SCHIP1: variants seen among roughly 807,000 people sequenced by gnomAD.
The protein encoded by SCHIP1 is schwannomin-interacting protein 1.
A neutral mutation model predicts 29.7 loss-of-function variants in SCHIP1; 8 were observed. The observed-to-expected ratio is 0.27, with a 90% CI of 0.16 to 0.49. The LOEUF (loss-of-function observed/expected upper bound fraction) is 0.49. Among genes scored for constraint, SCHIP1 ranks in the 20% least tolerant of loss-of-function variants. SCHIP1 has a pLI of 0.99. For missense variants in SCHIP1, 193 were observed against 294.6 expected, an observed-to-expected ratio of 0.66 and a Z score of 2.52; for synonymous variants, 76 against 94.9, an observed-to-expected ratio of 0.80 and a Z score of 1.16.
At chr3:159,409,205 G>C in the SCHIP1 span, among the ~76,000 whole-genome samples, 1 of 151,834 alleles carries the variant, frequency 6.6e-6, no homozygotes, top group Admixed American at 6.6e-5. Flanking sequence ...AAAACTAAAA[G>C]CCTTTTCTCT....
chr3:159,274,180 G>A, the SCHIP1 span: 7 of 984,996 alleles, frequency 7.1e-6, no homozygotes, highest in Non-Finnish European at 8.4e-6. Context: ...TTTGGAAATA[G>A]CATTTTAATA....
chr3:159,831,126 A>G, the SCHIP1 span, among the ~76,000 whole-genome samples: 3 of 152,126 alleles, frequency 2.0e-5, no homozygotes, highest in African/African-American at 7.2e-5. Flanking sequence ...GAAGCTGGGG[A>G]TTGCATTTAC....
chr3:159,494,150 G>C, the SCHIP1 span, among the ~76,000 whole-genome samples: 1 of 152,050 alleles, frequency 6.6e-6, no homozygotes, highest in East Asian at 1.9e-4. Flanking sequence ...AGAGAAAGCA[G>C]GAAAGATCTA....
the SCHIP1 span, among the ~76,000 whole-genome samples, chr3:159,651,613 T>C: frequency 6.6e-6 from 1 of 152,238 alleles, no homozygotes; most frequent in Non-Finnish European, 1.5e-5. Flanking sequence ...TAATTTCCAT[T>C]AGCACCTCTG....
chr3:159,675,670 A>G, the SCHIP1 span, among the ~76,000 whole-genome samples: 1 of 152,194 alleles, frequency 6.6e-6, no homozygotes, highest in African/African-American at 2.4e-5. Context: ...AAGCATCTTC[A>G]CTTATTAGGC....
chr3:159,587,201 A>G, the SCHIP1 span, among the ~76,000 whole-genome samples: 1 of 152,206 alleles, frequency 6.6e-6, no homozygotes, highest in Non-Finnish European at 1.5e-5. Context: ...AGAGCTCCTC[A>G]TGTGATTCTG....
the SCHIP1 span, among the ~76,000 whole-genome samples, chr3:159,665,225 T>C: frequency 5.3e-5 from 8 of 152,346 alleles, 1 homozygote; most frequent in South Asian, 1.0e-3. Context: ...GATTGGGATA[T>C]AGTGTGTGCC....
the SCHIP1 span, among the ~76,000 whole-genome samples, chr3:159,312,633 T>C: frequency 1.3e-5 from 2 of 152,134 alleles, no homozygotes; most frequent in Non-Finnish European, 2.9e-5. Context: ...TCTCTCCCCA[T>C]TTTGGTCACC....
At chr3:159,601,432 T>C in the SCHIP1 span, among the ~76,000 whole-genome samples, 1 of 152,148 alleles carries the variant, frequency 6.6e-6, no homozygotes, top group African/African-American at 2.4e-5. Context: ...GAGACCATAC[T>C]GCCAGTTAGG....
chr3:159,883,965 C>A (rs1042378206), intron 2 of SCHIP1, among the ~76,000 whole-genome samples: 5 of 152,162 alleles, frequency 3.3e-5, no homozygotes, highest in Non-Finnish European at 7.3e-5. Flanking sequence ...ATCAGACTTT[C>A]TTCTGAGTGA....
At chr3:159,592,693 G>T in the SCHIP1 span, among the ~76,000 whole-genome samples, 1 of 151,954 alleles carries the variant, frequency 6.6e-6, no homozygotes, top group Admixed American at 6.6e-5. Context: ...AGCAGTTTAT[G>T]GCTCCCTCTA....
At chr3:159,391,853 C>T in the SCHIP1 span, among the ~76,000 whole-genome samples, 1 of 152,116 alleles carries the variant, frequency 6.6e-6, no homozygotes, top group Non-Finnish European at 1.5e-5. Flanking sequence ...AGGGGCTTAC[C>T]CATGTCTACA....
chr3:159,368,892 A>C, the SCHIP1 span, among the ~76,000 whole-genome samples: 1 of 152,226 alleles, frequency 6.6e-6, no homozygotes, highest in East Asian at 1.9e-4. Context: ...ATTGAGTGTA[A>C]CCAAATTAAT....
the SCHIP1 span, among the ~76,000 whole-genome samples, chr3:159,827,275 A>G: frequency 9.8e-5 from 15 of 152,326 alleles, no homozygotes; most frequent in South Asian, 2.1e-3. Context: ...AGACCTAAGG[A>G]AACTCTTTAG....
chr3:159,711,284 C>A, the SCHIP1 span, among the ~76,000 whole-genome samples: 4 of 75,196 alleles, frequency 5.3e-5, no homozygotes, highest in South Asian at 1.6e-3. Context: ...TGGCGTGAAC[C>A]CGGGAGGCGG....
the SCHIP1 span, among the ~76,000 whole-genome samples, chr3:159,431,189 G>A: frequency 1.3e-5 from 2 of 152,154 alleles, no homozygotes; most frequent in African/African-American, 4.8e-5. Flanking sequence ...AGCTAGGAGA[G>A]GACCAGAAGT....
intron 5 of SCHIP1, among the ~76,000 whole-genome samples, chr3:159,889,623 A>G (rs1717291872): frequency 1.3e-5 from 2 of 152,230 alleles, no homozygotes; most frequent in South Asian, 2.1e-4. Context: ...CTGTATAATT[A>G]TACGGTATTA....
chr3:159,833,394 C>T, the SCHIP1 span, among the ~76,000 whole-genome samples: 1 of 152,306 alleles, frequency 6.6e-6, no homozygotes, highest in Admixed American at 6.5e-5. Flanking sequence ...TCTCATACTG[C>T]CGTCTCTGGT....
chr3:159,481,438 G>A, the SCHIP1 span, among the ~76,000 whole-genome samples: 1 of 152,166 alleles, frequency 6.6e-6, no homozygotes, highest in Non-Finnish European at 1.5e-5. Flanking sequence ...TAAAATACAA[G>A]ATGTCCAGTT....
Sources: allele counts gnomAD v4.1 joint callset (sites outside exome capture counted in the v4.1 genomes callset), GRCh38; gene constraint gnomAD v4.1.1; transcripts MANE v1.5; gene names NCBI Gene and HGNC (gene_info 2026-07-23, HGNC 2026-07-21).